Variants in DLG2 observed in about 807,000 individuals in gnomAD.
DLG2 encodes discs large MAGUK scaffold protein 2, also known as disks large homolog 2.
A neutral mutation model predicts 132.5 loss-of-function variants in DLG2; 45 were observed. That is an observed-to-expected ratio of 0.34 (90% CI 0.27 to 0.44). DLG2 has a LOEUF of 0.44. Ranked by LOEUF, DLG2 falls within the 20% of genes least tolerant of loss-of-function variation. DLG2 has a pLI of 1.00. For synonymous variants in DLG2, 424 were observed against 419.6 expected, an observed-to-expected ratio of 1.01 and a Z score of -0.13; for missense variants, 1,045 against 1,196.9, an observed-to-expected ratio of 0.87 and a Z score of 1.87.
At chr11:84,333,035 C>T (rs555416330) in intron 7 of DLG2, among the ~76,000 whole-genome samples, 1 of 152,306 alleles carries the variant, frequency 6.6e-6, no homozygotes, top group East Asian at 1.9e-4. Flanking sequence ...TTTATACCTA[C>T]CACTCATGTT....
At chr11:84,687,362 A>G (rs2099739058) in intron 6 of DLG2, 1 of 152,168 alleles carries the variant, frequency 6.6e-6, no homozygotes, top group Non-Finnish European at 1.5e-5. Context: ...TCCTTAGTGC[A>G]TAATGCCCAA....
intron 21 of DLG2, among the ~76,000 whole-genome samples, chr11:83,528,318 A>G (rs1175924015): frequency 6.6e-6 from 1 of 152,178 alleles, no homozygotes; most frequent in South Asian, 2.1e-4. Context: ...TTCAAAATCC[A>G]ATAAGCTTCT....
intron 6 of DLG2, among the ~76,000 whole-genome samples, chr11:84,917,812 T>C (rs190890347): frequency 7.2e-5 from 11 of 152,264 alleles, no homozygotes; most frequent in African/African-American, 2.2e-4. Flanking sequence ...ATATACCAAA[T>C]TGGTGTCCAA....
At chr11:84,345,938 G>T (rs2098537521) in intron 7 of DLG2, among the ~76,000 whole-genome samples, 2 of 152,152 alleles carry the variant, frequency 1.3e-5, no homozygotes, top group Admixed American at 6.5e-5. Flanking sequence ...TGTTTAAAAA[G>T]TTTGCTACCC....
At chr11:84,712,992 G>C (rs1265467164) in intron 6 of DLG2, among the ~76,000 whole-genome samples, 1 of 152,096 alleles carries the variant, frequency 6.6e-6, no homozygotes, top group Non-Finnish European at 1.5e-5. Flanking sequence ...TGCAGAAAAT[G>C]ATAGTGTGAA....
chr11:83,989,452 C>G (rs367873736), intron 11 of DLG2, among the ~76,000 whole-genome samples: 1 of 152,138 alleles, frequency 6.6e-6, no homozygotes, highest in African/African-American at 2.4e-5. Flanking sequence ...GACACCAACA[C>G]TTTGGCATAA....
chr11:84,669,060 G>C (rs1365785571), intron 6 of DLG2, among the ~76,000 whole-genome samples: 2 of 152,036 alleles, frequency 1.3e-5, no homozygotes, highest in Non-Finnish European at 2.9e-5. Flanking sequence ...AATAACACAG[G>C]ATATGGGACA....
At chr11:84,384,486 A>C (rs547714076) in intron 7 of DLG2, among the ~76,000 whole-genome samples, 1 of 152,200 alleles carries the variant, frequency 6.6e-6, no homozygotes, top group African/African-American at 2.4e-5. Context: ...GAGATGTTTA[A>C]GCTCACACTT....
chr11:85,292,658 G>A (rs35070743), intron 3 of DLG2, among the ~76,000 whole-genome samples: 633 of 10,522 alleles, frequency 0.06, 53 homozygotes, highest in South Asian at 0.16. Flanking sequence ...GGAAGGAAGG[G>A]AGGGAGGGAG....
chr11:83,914,758 G>T (rs2076645979), intron 15 of DLG2, among the ~76,000 whole-genome samples: 1 of 152,142 alleles, frequency 6.6e-6, no homozygotes, highest in South Asian at 2.1e-4. Context: ...TTTAACAGGA[G>T]ACAACAATCT....
intron 3 of DLG2, among the ~76,000 whole-genome samples, chr11:85,310,852 G>T (rs1228125024): frequency 6.6e-6 from 1 of 152,060 alleles, no homozygotes; most frequent in Admixed American, 6.6e-5. Flanking sequence ...TTCCAAGTTT[G>T]GACCTGAAAT....
At chr11:85,487,833 C>A (rs2093464648) in intron 3 of DLG2, among the ~76,000 whole-genome samples, 1 of 152,140 alleles carries the variant, frequency 6.6e-6, no homozygotes, top group Non-Finnish European at 1.5e-5. Flanking sequence ...GAAAACAATG[C>A]AAAGAAGATT....
At chr11:85,044,546 G>A (rs551644858) in intron 6 of DLG2, among the ~76,000 whole-genome samples, 40 of 151,912 alleles carry the variant, frequency 2.6e-4, no homozygotes, top group African/African-American at 9.2e-4. Flanking sequence ...ACCTTCTCAC[G>A]CAACCTCCAG....
intron 6 of DLG2, among the ~76,000 whole-genome samples, chr11:84,959,490 G>A (rs541114179): frequency 2.6e-5 from 4 of 152,140 alleles, no homozygotes; most frequent in East Asian, 1.9e-4. Flanking sequence ...TTGTAATTAC[G>A]CCTTTGTATC....
At chr11:85,220,565 T>C (rs1333512431) in intron 4 of DLG2, among the ~76,000 whole-genome samples, 1 of 151,866 alleles carries the variant, frequency 6.6e-6, no homozygotes, top group Non-Finnish European at 1.5e-5. Flanking sequence ...CAAGATGCCA[T>C]GTTCCTAGTT....
At chr11:85,258,258 C>T (rs2076767250) in intron 4 of DLG2, among the ~76,000 whole-genome samples, 1 of 152,114 alleles carries the variant, frequency 6.6e-6, no homozygotes, top group Admixed American at 6.5e-5. Context: ...ATAGTCCTCT[C>T]CACTATTTCT....
chr11:84,594,430 A>T (rs1468463612), intron 6 of DLG2, among the ~76,000 whole-genome samples: 1 of 152,218 alleles, frequency 6.6e-6, no homozygotes, highest in Non-Finnish European at 1.5e-5. Context: ...TGCCAACAAA[A>T]GCCTCACCCA....
chr11:85,274,022 A>T (rs548196575), intron 4 of DLG2, among the ~76,000 whole-genome samples: 1 of 152,096 alleles, frequency 6.6e-6, no homozygotes, highest in Admixed American at 6.6e-5. Context: ...ACCAAACACC[A>T]CATGTTCTCA....
chr11:85,434,939 C>A (rs549569769), intron 3 of DLG2, among the ~76,000 whole-genome samples: 1 of 152,244 alleles, frequency 6.6e-6, no homozygotes, highest in Non-Finnish European at 1.5e-5. Context: ...ACTGGCAAAA[C>A]GAATCCAGCA....
Sources: gnomAD v4.1 joint callset for allele counts (sites outside exome capture counted in the v4.1 genomes callset) on GRCh38, gnomAD v4.1.1 for gene constraint, MANE v1.5 for transcripts, NCBI Gene and HGNC (gene_info 2026-07-23, HGNC 2026-07-21) for gene names.